The following MYO1C variants were observed in gnomAD, a reference collection of about 807,000 sequenced individuals.
MYO1C encodes the protein unconventional myosin-Ic.
Under a neutral mutation model 150.8 loss-of-function variants are expected in MYO1C, and 104 were observed. That is an observed-to-expected ratio of 0.69 (90% CI 0.59 to 0.81). The LOEUF (loss-of-function observed/expected upper bound fraction) is 0.81. Ranked by LOEUF, MYO1C falls within the 30% of genes least tolerant of loss-of-function variation. MYO1C has a pLI of 0.00. For missense variants in MYO1C, 1,504 were observed against 1,435.0 expected (o/e 1.05, Z -0.78); for synonymous variants, 663 against 579.9 (o/e 1.14, Z -2.06).
chr17:1,482,218 C>A (rs570435287), intron 5 of MYO1C, among the ~76,000 whole-genome samples: 1 of 152,192 alleles, frequency 6.6e-6, no homozygotes, highest in East Asian at 1.9e-4. Flanking sequence ...AGCTGTCAAG[C>A]CTTTATTAAA....
In MYO1C at chr17:1,472,030, G is replaced by A. The variant is rs369607565; in HGVS notation, c.1904-6C>T. On this transcript the variant is annotated splice_polypyrimidine_tract_variant and splice_region_variant and intron_variant, in intron 18 of 31. Transcript: ENST00000648651. Reference sequence around the variant, plus strand: ...CAGCACCTCGTCAAAGCGGCCTGGGGTAGGGGGAGCGCCGTGGTCAGCGGG... The same window carrying A: ...CAGCACCTCGTCAAAGCGGCCTGGGATAGGGGGAGCGCCGTGGTCAGCGGG... 41 of 1,613,800 alleles carry A rather than the reference G, an allele frequency of 2.5e-5. No individual in the cohort carries two copies. Among genetic ancestry groups the A allele is most frequent in the African/African-American group, 1.5e-4 (11 of 74,940 alleles).
Position 1,478,788 on chromosome 17 carries a change from C to T in MYO1C, c.1093-53G>A, listed in dbSNP as rs1477079466. The T allele has an allele frequency of 6.2e-7, 1 of 1,607,570 alleles. No individual in the cohort carries two copies. Among genetic ancestry groups the T allele is most frequent in the East Asian group, 2.2e-5 (1 of 44,874 alleles). On this transcript the variant is annotated intron_variant, in intron 9 of 31. Coordinates refer to ENST00000648651, the MANE Select transcript of MYO1C (RefSeq NM_001080779.2). The surrounding 1 kb of genome is among the most constrained non-coding windows in gnomAD (Gnocchi z 6.3). ...TGAATGCCACAGAGCCTGTGCATCC[C>T]ACCTGCTCCCAGGCTCAGGCAGACC... is the stretch of plus-strand genomic sequence containing the variant.
Position 1,474,648 on chromosome 17 carries a change from CAAA to C in MYO1C, c.1756_1758del (p.Phe586del). 1 of 1,613,990 alleles carries C rather than the reference CAAA, an allele frequency of 6.2e-7. No homozygotes were observed. Among genetic ancestry groups the C allele is most frequent in the Non-Finnish European group, 8.5e-7 (1 of 1,179,958 alleles). Reference sequence around the variant, plus strand: ...TTCTTGTCACTGAGCTCGCTCCGGTCAAAGCACTGGCTCATAATGGGATTCTTT... The same window carrying C: ...TTCTTGTCACTGAGCTCGCTCCGGTCGCACTGGCTCATAATGGGATTCTTT... On this transcript the variant is annotated inframe_deletion, in exon 17 of 32. Coordinates refer to ENST00000648651, the MANE Select transcript of MYO1C (RefSeq NM_001080779.2).
Position 1,482,396 on chromosome 17 carries a change from A to G in MYO1C, c.627+82T>C. 3.2e-6 allele frequency: 4 copies of G among 1,245,878 alleles called. No homozygotes were observed. The South Asian group carries it at 3.6e-5, about 11-fold the overall frequency. The allele number at this position is 1,245,878 out of a possible 1,614,324, so 77.2% of individuals were successfully genotyped here. The stretch of plus-strand genomic sequence containing the variant: ...GACTGCTGGAATTGCAGCACCTGGA[A>G]TAGTCCCTGGTACCCAGTAGGTGCT... On this transcript the variant is annotated intron_variant, in intron 5 of 31. Transcript: ENST00000648651.
Position 1,466,000 on chromosome 17 carries a change from G to A in MYO1C, c.3166-248C>T, listed in dbSNP as rs1464386758. The stretch of plus-strand genomic sequence containing the variant: ...CAGATTCATGGGTTCGATGCAGGCA[G>A]GAGTGGTGGGGGCCTAGTGGTCTCC... On this transcript the variant is annotated intron_variant, in intron 31 of 31. Coordinates refer to ENST00000648651, the MANE Select transcript of MYO1C (RefSeq NM_001080779.2). 2.6e-5 allele frequency among the ~76,000 whole-genome samples: 4 copies of A among 151,980 alleles called. No homozygotes were observed. In the East Asian group the frequency reaches 7.7e-4, roughly 29 times the overall value.
At chr17:1,470,554 T>G (rs1163011572) in intron 22 of MYO1C, 35 bp from the exon 23 acceptor site, 1 of 1,565,216 alleles carries the variant, frequency 6.4e-7, no homozygotes, top group Non-Finnish European at 8.7e-7. Flanking sequence ...GAACTCTATC[T>G]TCTTACCATG....
Position 1,467,881 on chromosome 17 carries a change from G to C in MYO1C, c.2926C>G (p.Leu976Val). The C allele has an allele frequency of 1.2e-6, 2 of 1,602,914 alleles. No homozygotes were observed. The highest frequency in any genetic ancestry group is 1.7e-5 in the Admixed American group (1 of 59,126). Residue 976 changes from leucine to valine, a missense_variant, in exon 29 of 32, where the codon CTT becomes GTT. Coordinates refer to ENST00000648651, the MANE Select transcript of MYO1C (RefSeq NM_001080779.2). Reference protein sequence around the residue: ...GISVSSLSDSLFVLHVQRADN... With the variant: ...GISVSSLSDSVFVLHVQRADN... The stretch of plus-strand genomic sequence containing the variant: ...GCACGCTGTACATGAAGCACAAAAA[G>C]ACTGTCGCTCAGGCTGCTGACAGAG...
At position 1,472,104 on chromosome 17, in the gene MYO1C, C is replaced by T. The variant is rs1331257033; in HGVS notation, c.1903+19G>A. ...GCAGGGGAGGCCCGGCCCCGAAGTCCCCCGTGGGAGGGGCCTACCGGGCTG... is the reference window on the plus strand; with the variant it reads ...GCAGGGGAGGCCCGGCCCCGAAGTCTCCCGTGGGAGGGGCCTACCGGGCTG... On this transcript the variant is annotated intron_variant, in intron 18 of 31. Transcript: ENST00000648651. 1.9e-6 allele frequency: 3 copies of T among 1,613,654 alleles called. No individual in the cohort carries two copies. In the African/African-American group the frequency reaches 4.0e-5, roughly 22 times the overall value.
chr17:1,491,500 C>T, intron 1 of MYO1C: 1 of 503,148 alleles, frequency 2.0e-6, no homozygotes, highest in Non-Finnish European at 2.6e-6. Context: ...CAGCGATCCC[C>T]GGCCGTGACC....
In MYO1C at chr17:1,479,551, C is replaced by A; in HGVS notation, c.1020+41G>T. On this transcript the variant is annotated intron_variant, in intron 8 of 31. Transcript: ENST00000648651. This position sits in a 1 kb window ranked among gnomAD's most constrained non-coding sequence, Gnocchi z 4.2. ...GGTGAGGGTGCACCCCCAGCCCCCGCCCCCGCCGTCCTCCCGTCGCCCTCT... is the reference window on the plus strand; with the variant it reads ...GGTGAGGGTGCACCCCCAGCCCCCGACCCCGCCGTCCTCCCGTCGCCCTCT... The A allele has an allele frequency of 7.3e-7, 1 of 1,372,696 alleles. No homozygotes were observed. Among genetic ancestry groups the A allele is most frequent in the Non-Finnish European group, 1.0e-6 (1 of 977,954 alleles). 85.0% of individuals were successfully genotyped at this position (1,372,696 alleles called of 1,614,324 possible).
chr17:1,482,124 G>A (rs1391110770), intron 5 of MYO1C, among the ~76,000 whole-genome samples: 1 of 151,998 alleles, frequency 6.6e-6, no homozygotes, highest in Non-Finnish European at 1.5e-5. Flanking sequence ...ATAGCTTAGG[G>A]TAACCTTGGA....
intron 1 of MYO1C, chr17:1,485,979 A>T (rs896186474): frequency 1.3e-5 from 2 of 154,744 alleles, no homozygotes; most frequent in African/African-American, 4.8e-5. Flanking sequence ...CAGGTTTTCC[A>T]GGAGGGACGC....
In MYO1C at chr17:1,470,300, G is replaced by A. The variant is rs371379966; in HGVS notation, c.2401C>T (p.Arg801Cys). 3.9e-5 allele frequency: 62 copies of A among 1,574,376 alleles called. 1 individual carries two copies. The highest frequency in any genetic ancestry group is 2.3e-4 in the South Asian group (20 of 86,362). The change falls in exon 24 of 32, where the codon CGC (arginine) becomes TGC (cysteine). Residue 801 changes from arginine (R) to cysteine (C), a missense_variant. Physicochemically the swap from Arg to Cys is radical, Grantham distance 180 (BLOSUM62 -3). Transcript: ENST00000648651. ...AGGAAGAAGGCGTTCTCGGGGCAGC[G>A]GGGGGCGTGGCGCAGGACGAAGCCT... The part of the protein sequence containing the change: ...IRGFVLRHAP[R>C]CPENAFFLDH...
chr17:1,483,147 C>G, intron 3 of MYO1C, 88 bp from the exon 4 acceptor site: 1 of 1,335,544 alleles, frequency 7.5e-7, no homozygotes, highest in South Asian at 1.4e-5. Flanking sequence ...GTGGAGTCCT[C>G]TTGTGGGAGT....
chr17:1,480,593 G>A lies in MYO1C; in HGVS notation c.840C>T (p.Asp280=), dbSNP rs774962565. The change falls in exon 7 of 32, where the codon GAC becomes GAT. Residue 280 remains aspartate (D), a synonymous_variant. Coordinates refer to ENST00000648651, the MANE Select transcript of MYO1C (RefSeq NM_001080779.2). The part of the protein sequence containing the change: ...GQCAKVSSIN[D]KSDWKVVRKA... ...TCCTGACGACCTTCCAGTCACTCTT[G>A]TCGTTGATGGAGGAGACTTTGGCAC... 1.2e-6 allele frequency: 2 copies of A among 1,614,140 alleles called. No homozygotes were observed. The highest frequency in any genetic ancestry group is 1.7e-6 in the Non-Finnish European group (2 of 1,180,030).
intron 19 of MYO1C, 139 bp downstream of exon 19, chr17:1,471,768 G>A: frequency 1.1e-6 from 1 of 908,152 alleles, no homozygotes; most frequent in Non-Finnish European, 1.8e-6. Context: ...AGCACCAAGG[G>A]CCTCCACCAA....
intron 3 of MYO1C, among the ~76,000 whole-genome samples, chr17:1,483,389 G>A (rs2074579097): frequency 1.3e-5 from 2 of 152,070 alleles, no homozygotes; most frequent in African/African-American, 4.8e-5. Context: ...CTCCCAGTTG[G>A]GGAATAAGTC....
At chr17:1,491,501 G>C in intron 1 of MYO1C, 1 of 354,150 alleles carries the variant, frequency 2.8e-6, no homozygotes, top group African/African-American at 3.0e-5. Flanking sequence ...AGCGATCCCC[G>C]GCCGTGACCC....
rs1387250705 is a variant in MYO1C, at chr17:1,475,316, G to C, written c.1575-284C>G. Among the ~76,000 whole-genome samples the C allele has an allele frequency of 2.0e-5, 3 of 152,182 alleles. No individual in the cohort carries two copies. The East Asian group carries it at 5.8e-4, about 29-fold the overall frequency. ...CGCCTGTAGTCCCAGCTACTCAGGA[G>C]GCTGACAAAGGAGAATCGCTTGAAC... On this transcript the variant is annotated intron_variant, in intron 14 of 31. Transcript: ENST00000648651.
Sources: gnomAD v4.1 joint callset for allele counts (sites outside exome capture counted in the v4.1 genomes callset) on GRCh38, gnomAD v4.1.1 for gene constraint, Gnocchi (gnomAD v3.1) non-coding constraint, MANE v1.5 for transcripts, NCBI Gene and HGNC (gene_info 2026-07-23, HGNC 2026-07-21) for gene names.